The following ZBTB46 variants were observed in gnomAD, a reference collection of about 807,000 sequenced individuals.
ZBTB46 encodes zinc finger and BTB domain containing 46, also known as zinc finger and BTB domain-containing protein 46.
Under a neutral mutation model 44.1 loss-of-function variants are expected in ZBTB46, and 8 were observed. The observed-to-expected ratio is 0.18, with a 90% CI of 0.11 to 0.33. ZBTB46 has a LOEUF of 0.33. Among genes scored for constraint, ZBTB46 ranks in the 10% least tolerant of loss-of-function variants. ZBTB46 has a pLI of 1.00. For missense variants in ZBTB46, 651 were observed against 847.7 expected (o/e 0.77, Z 2.88); for synonymous variants, 409 against 382.3 (o/e 1.07, Z -0.81).
rs761649768 is a variant in ZBTB46, at chr20:63,790,434, G to A, written c.324C>T (p.Ala108=). The A allele has an allele frequency of 1.9e-5, 30 of 1,613,016 alleles. No homozygotes were observed. The highest frequency in any genetic ancestry group is 1.5e-4 in the South Asian group (14 of 91,086). The change falls in exon 2 of 5, where the codon GCC becomes GCT. Residue 108 remains alanine (A), a synonymous_variant. Coordinates refer to ENST00000245663, the MANE Select transcript of ZBTB46 (RefSeq NM_001369741.1). Reference sequence around the variant, plus strand: ...TGTCCGTCATCTGCAGGAAGCTGGCGGCTGACATCACCTCGATGACGTTCC... The same window carrying A: ...TGTCCGTCATCTGCAGGAAGCTGGCAGCTGACATCACCTCGATGACGTTCC... ...TSRNVIEVMS[A]ASFLQMTDIV...
intron 2 of ZBTB46, among the ~76,000 whole-genome samples, chr20:63,785,080 A>C (rs2092502163): frequency 6.6e-6 from 1 of 151,322 alleles, no homozygotes; most frequent in Non-Finnish European, 1.5e-5. Context: ...AAAAATACAA[A>C]AATTAGCCGG....
chr20:63,769,480 G>GC, intron 3 of ZBTB46: 1 of 978,642 alleles, frequency 1.0e-6, no homozygotes, highest in Non-Finnish European at 1.2e-6. Context: ...TTCCCGGCAT[G>GC]CGGTGTGAGC....
intron 1 of ZBTB46, among the ~76,000 whole-genome samples, chr20:63,802,190 A>C (rs2092650998): frequency 6.6e-6 from 1 of 152,168 alleles, no homozygotes; most frequent in African/African-American, 2.4e-5. Context: ...TGGGAGGCAG[A>C]GGCAGGCAGA....
intron 3 of ZBTB46, among the ~76,000 whole-genome samples, chr20:63,768,580 C>T (rs2092340001): frequency 6.6e-6 from 1 of 151,632 alleles, no homozygotes; most frequent in Admixed American, 6.6e-5. Flanking sequence ...GCACTCCAGC[C>T]TGGGTGACAA....
At chr20:63,771,504 C>T (rs1375500535) in intron 3 of ZBTB46, among the ~76,000 whole-genome samples, 1 of 152,192 alleles carries the variant, frequency 6.6e-6, no homozygotes, top group Non-Finnish European at 1.5e-5. Flanking sequence ...GCGTCAGACC[C>T]CGGGGCTCAG....
chr20:63,815,235 AATG>A, intron 1 of ZBTB46: 1 of 246,194 alleles, frequency 4.1e-6, no homozygotes, highest in South Asian at 3.6e-5. Context: ...CAGTGAGTGC[AATG>A]GGTGCAGGTG....
chr20:63,754,204 G>C (rs879479464), intron 3 of ZBTB46, among the ~76,000 whole-genome samples: 7 of 152,208 alleles, frequency 4.6e-5, no homozygotes, highest in African/African-American at 7.2e-5. Flanking sequence ...CATCCCCCGA[G>C]TGGCTCCTGA....
chr20:63,829,514 G>A (rs1326599891), intron 1 of ZBTB46, among the ~76,000 whole-genome samples: 2 of 152,182 alleles, frequency 1.3e-5, no homozygotes, highest in Admixed American at 6.5e-5. Flanking sequence ...CTTCAGTTAC[G>A]GAGAAGATGT....
rs1236142733 is a variant in ZBTB46, at chr20:63,745,792, A to G, written c.*1138T>C. ...CCAAAGCCAGGCGGTGCACCACAGC[A>G]CACACCGTGGGACCTTTGCTTTTCA... is the stretch of plus-strand genomic sequence containing the variant. On this transcript the variant is annotated 3_prime_UTR_variant, in exon 5 of 5. Coordinates refer to ENST00000245663, the MANE Select transcript of ZBTB46 (RefSeq NM_001369741.1). 1 of 152,384 alleles carries G rather than the reference A, an allele frequency of 6.6e-6. No homozygotes were observed. The highest frequency in any genetic ancestry group is 1.5e-5 in the Non-Finnish European group (1 of 68,052). The allele number at this position is 152,384 out of a possible 1,614,324, so 9.4% of individuals were successfully genotyped here. A position where few individuals can be genotyped will look rare whatever the true frequency, so the allele number is the denominator to read the frequency against.
chr20:63,826,305 T>C (rs1410692648), intron 1 of ZBTB46, among the ~76,000 whole-genome samples: 1 of 152,240 alleles, frequency 6.6e-6, no homozygotes, highest in Non-Finnish European at 1.5e-5. Context: ...CACACACATA[T>C]GTGGCTCTTT....
chr20:63,765,045 GTGTGTGTGTATGTTTGTA>G (rs979323381), intron 3 of ZBTB46, among the ~76,000 whole-genome samples: 1 of 6,754 alleles, frequency 1.5e-4, no homozygotes, highest in Non-Finnish European at 3.7e-4. Context: ...GTGTGCGTGC[GTGTGTGTGTATGTTTGTA>G]TGTGCATGTG....
intron 1 of ZBTB46, chr20:63,816,397 A>G (rs1431817170): frequency 6.0e-6 from 1 of 165,404 alleles, no homozygotes; most frequent in Non-Finnish European, 1.3e-5. Flanking sequence ...CCATCTGCAT[A>G]ACCCAGCAAA....
Position 63,787,630 on chromosome 20 carries a change from T to C in ZBTB46, c.937+2191A>G, listed in dbSNP as rs2092526373. On this transcript the variant is annotated intron_variant, in intron 2 of 4. Transcript: ENST00000245663. This position sits in a 1 kb window ranked among gnomAD's most constrained non-coding sequence, Gnocchi z 4.6. The stretch of plus-strand genomic sequence containing the variant: ...GCCTATAACCGGCTGCACTTTCTAG[T>C]TTTGTGACGGGCGCTCCATGACGCT... 1 of 152,236 alleles carries C rather than the reference T, an allele frequency of 6.6e-6. No homozygotes were observed. The highest frequency in any genetic ancestry group is 2.4e-5 in the African/African-American group (1 of 41,454). The allele number at this position is 152,236 out of a possible 1,614,324, so 9.4% of individuals were successfully genotyped here.
chr20:63,818,161 G>A (rs1270781169), intron 1 of ZBTB46, among the ~76,000 whole-genome samples: 4 of 152,196 alleles, frequency 2.6e-5, no homozygotes, highest in African/African-American at 4.8e-5. Flanking sequence ...ACACTGCAAG[G>A]GGCCCTTTGT....
intron 3 of ZBTB46, among the ~76,000 whole-genome samples, chr20:63,772,705 C>T (rs1006618491): frequency 1.8e-4 from 26 of 148,188 alleles, no homozygotes; most frequent in African/African-American, 5.0e-4. Flanking sequence ...GGCAAGAGAG[C>T]GAGACCCTGT....
intron 3 of ZBTB46, among the ~76,000 whole-genome samples, chr20:63,762,602 C>T (rs533974445): frequency 2.6e-5 from 4 of 151,742 alleles, no homozygotes; most frequent in African/African-American, 9.7e-5. Flanking sequence ...TGCAGTGAGC[C>T]GAGATCGCGC....
At chr20:63,804,784 CG>C (rs1278159725) in intron 1 of ZBTB46, among the ~76,000 whole-genome samples, 2 of 151,630 alleles carry the variant, frequency 1.3e-5, no homozygotes, top group Non-Finnish European at 2.9e-5. Flanking sequence ...CCCAGCTACT[CG>C]GGAGGCTGAG....
chr20:63,811,897 C>T (rs1014973076), intron 1 of ZBTB46, among the ~76,000 whole-genome samples: 2 of 152,168 alleles, frequency 1.3e-5, no homozygotes, highest in African/African-American at 4.8e-5. Flanking sequence ...CCAGGTCTGG[C>T]TCATACATCG....
In ZBTB46 at chr20:63,831,122, G is replaced by A. The variant is rs1478793301; in HGVS notation, c.-59C>T. 2.1e-5 allele frequency: 3 copies of A among 142,162 alleles called. No homozygotes were observed. Among genetic ancestry groups the A allele is most frequent in the Admixed American group, 2.1e-4 (3 of 14,526 alleles). The allele number at this position is 142,162 out of a possible 1,614,324, so 8.8% of individuals were successfully genotyped here. A position where few individuals can be genotyped will look rare whatever the true frequency, so the allele number is the denominator to read the frequency against. Reference sequence around the variant, plus strand: ...CTGTGACCCCATGGGGCGCGGGCGAGGGCGGGCGCCGCGGCCGCCGGGCCG... The same window carrying A: ...CTGTGACCCCATGGGGCGCGGGCGAAGGCGGGCGCCGCGGCCGCCGGGCCG... On this transcript the variant is annotated 5_prime_UTR_variant, in exon 1 of 5. Transcript: ENST00000245663.
Sources: gnomAD v4.1 joint callset for allele counts (sites outside exome capture counted in the v4.1 genomes callset) on GRCh38, gnomAD v4.1.1 for gene constraint, Gnocchi (gnomAD v3.1) non-coding constraint, MANE v1.5 for transcripts, NCBI Gene and HGNC (gene_info 2026-07-23, HGNC 2026-07-21) for gene names.